The following GRIA1 variants were observed in gnomAD, a reference collection of about 807,000 sequenced individuals.
GRIA1 encodes glutamate receptor 1.
GRIA1 carries 31 observed loss-of-function variants against 99.2 expected under a neutral mutation model. That is an observed-to-expected ratio of 0.31 (90% CI 0.23 to 0.42). The LOEUF (loss-of-function observed/expected upper bound fraction) is 0.42. Among genes scored for constraint, GRIA1 ranks in the 10% least tolerant of loss-of-function variants. The probability of loss-of-function intolerance (pLI) is 1.00; values close to 1 mark genes in which losing one functional copy is unlikely to be tolerated. For missense variants in GRIA1, 782 were observed against 1,157.5 expected, an observed-to-expected ratio of 0.68 and a Z score of 4.71; for synonymous variants, 438 against 432.4, an observed-to-expected ratio of 1.01 and a Z score of -0.16.
chr5:153,524,752 G>T (rs1757452512), intron 2 of GRIA1, among the ~76,000 whole-genome samples: 1 of 152,106 alleles, frequency 6.6e-6, no homozygotes, highest in African/African-American at 2.4e-5. Context: ...TTAGCTCAGG[G>T]ATTTGTACCT....
At chr5:153,658,192 T>TAAGAATACACAGAACAATACATAGAAC (rs1473752865) in intron 5 of GRIA1, among the ~76,000 whole-genome samples, 28 of 152,212 alleles carry the variant, frequency 1.8e-4, no homozygotes, top group Middle Eastern at 3.4e-3. Flanking sequence ...CCCTGCTGCT[T>TAAGAATACACAGAACAATACATAGAAC]AAGAATACAC....
rs111575401 is a variant in GRIA1, at chr5:153,764,771, G to A, written c.2022+139G>A. ...CTGACTGTAAGTCAGGGAAACTCAG[G>A]ACATTTCTAAGCTTTCTACCACCCC... On this transcript the variant is annotated intron_variant, in intron 12 of 15. Transcript: ENST00000285900. 1,287 of 636,686 alleles carry A rather than the reference G, an allele frequency of 2.0e-3. 14 individuals carry two copies. The African/African-American group carries it at 0.021, about 11-fold the overall frequency. The allele number at this position is 636,686 out of a possible 1,614,324, so 39.4% of individuals were successfully genotyped here.
rs150111514 is a variant in GRIA1, at chr5:153,643,677, T to TA, written c.221-3248dup. ...CTCTGGGAGCCAGGGTTCACTCAAG[T>TA]AAATCCAGGCCAGGCTACCTCCAAG... is the stretch of plus-strand genomic sequence containing the variant. On this transcript the variant is annotated intron_variant, in intron 2 of 15. Coordinates refer to ENST00000285900, the MANE Select transcript of GRIA1 (RefSeq NM_000827.4). 8.5e-3 allele frequency among the ~76,000 whole-genome samples: 1,287 copies of TA among 152,292 alleles called. 21 individuals are homozygous for TA. Among genetic ancestry groups the TA allele is most frequent in the African/African-American group, 0.029 (1,191 of 41,562 alleles).
intron 11 of GRIA1, among the ~76,000 whole-genome samples, chr5:153,747,718 C>T (rs1178180486): frequency 6.6e-6 from 1 of 152,202 alleles, no homozygotes; most frequent in Non-Finnish European, 1.5e-5. Flanking sequence ...GCCAGCCTGC[C>T]CTGCAGAGCC....
intron 2 of GRIA1, among the ~76,000 whole-genome samples, chr5:153,628,742 T>G (rs919611018): frequency 2.6e-5 from 4 of 152,038 alleles, no homozygotes; most frequent in East Asian, 1.9e-4. Context: ...TGTTTGTGGG[T>G]TTTTTTTCTA....
chr5:153,729,360 T>G (rs1393028987), intron 11 of GRIA1, among the ~76,000 whole-genome samples: 1 of 151,950 alleles, frequency 6.6e-6, no homozygotes, highest in African/African-American at 2.4e-5. Context: ...ATTGTGCACA[T>G]GTACCCTAAA....
chr5:153,710,595 C>A (rs1357316298), intron 11 of GRIA1, among the ~76,000 whole-genome samples: 2 of 152,288 alleles, frequency 1.3e-5, no homozygotes, highest in African/African-American at 2.4e-5. Context: ...TCATCACAGA[C>A]AAAACTTATC....
At chr5:153,557,356 C>T (rs542026079) in intron 2 of GRIA1, among the ~76,000 whole-genome samples, 1 of 152,302 alleles carries the variant, frequency 6.6e-6, no homozygotes, top group South Asian at 2.1e-4. Flanking sequence ...CCTCCACCTC[C>T]CAGGTTCAAG....
At chr5:153,543,343 A>T (rs899307137) in intron 2 of GRIA1, among the ~76,000 whole-genome samples, 1 of 152,222 alleles carries the variant, frequency 6.6e-6, no homozygotes, top group African/African-American at 2.4e-5. Flanking sequence ...AGAGTTTACT[A>T]TTGTATATAC....
intron 2 of GRIA1, among the ~76,000 whole-genome samples, chr5:153,505,478 G>T (rs1198842638): frequency 6.6e-6 from 1 of 152,226 alleles, no homozygotes; most frequent in Non-Finnish European, 1.5e-5. Flanking sequence ...CAGAGAGCCT[G>T]CTCGTCTCAT....
At chr5:153,592,902 G>C (rs12520178) in intron 2 of GRIA1, among the ~76,000 whole-genome samples, 19,457 of 152,184 alleles carry the variant, frequency 0.13, 1,259 homozygotes, top group Middle Eastern at 0.15. Flanking sequence ...AGAGGAGAGA[G>C]AGAGAGAAAT....
At chr5:153,514,264 C>T (rs1756391875) in intron 2 of GRIA1, among the ~76,000 whole-genome samples, 2 of 152,188 alleles carry the variant, frequency 1.3e-5, no homozygotes, top group African/African-American at 4.8e-5. Flanking sequence ...AATCATTATC[C>T]AGACCAATGT....
chr5:153,615,579 G>A (rs1238299389), intron 2 of GRIA1, among the ~76,000 whole-genome samples: 1 of 152,196 alleles, frequency 6.6e-6, no homozygotes, highest in African/African-American at 2.4e-5. Flanking sequence ...AGGCGGTCGA[G>A]GCTGCAGTGA....
chr5:153,764,360 C>A (rs908637796), intron 11 of GRIA1, 74 bp from the exon 12 acceptor site: 5 of 1,137,416 alleles, frequency 4.4e-6, no homozygotes, highest in Non-Finnish European at 6.7e-6. Context: ...GCCCCGGACC[C>A]GTGCTCAGTC....
chr5:153,490,686 A>C lies in GRIA1; in HGVS notation c.-203A>C. 3.1e-6 allele frequency: 2 copies of C among 639,204 alleles called. No individual in the cohort carries two copies. Among genetic ancestry groups the C allele is most frequent in the Non-Finnish European group, 5.6e-6 (2 of 354,080 alleles). The allele number at this position is 639,204 out of a possible 1,614,324, so 39.6% of individuals were successfully genotyped here. ...CCCGTGCTCAGTTAATCTGGCTGTC[A>C]GTTGGTGTTAACGCTGCAGTTTAAG... is the stretch of plus-strand genomic sequence containing the variant. On this transcript the variant is annotated 5_prime_UTR_variant, in exon 1 of 16. Coordinates refer to ENST00000285900, the MANE Select transcript of GRIA1 (RefSeq NM_000827.4).
intron 11 of GRIA1, among the ~76,000 whole-genome samples, chr5:153,760,750 C>A (rs933273564): frequency 6.6e-6 from 1 of 152,050 alleles, no homozygotes; most frequent in African/African-American, 2.4e-5. Context: ...AAGCTAGAAG[C>A]ACCACACTAC....
intron 5 of GRIA1, among the ~76,000 whole-genome samples, chr5:153,662,130 T>G (rs1384200087): frequency 2.6e-5 from 4 of 152,212 alleles, no homozygotes; most frequent in Non-Finnish European, 5.9e-5. Context: ...CCTTTGAGTA[T>G]TTGAAAATGG....
At chr5:153,492,605 A>G (rs1246161489) in intron 1 of GRIA1, among the ~76,000 whole-genome samples, 6 of 152,116 alleles carry the variant, frequency 3.9e-5, no homozygotes, top group African/African-American at 1.2e-4. Context: ...GTGCTTATAT[A>G]CTACCTATCC....
chr5:153,585,048 C>T (rs1649380415), intron 2 of GRIA1, among the ~76,000 whole-genome samples: 1 of 152,108 alleles, frequency 6.6e-6, no homozygotes, highest in African/African-American at 2.4e-5. Context: ...GCACGAGCTG[C>T]CAGGAACAAT....
Sources: allele counts gnomAD v4.1 joint callset (sites outside exome capture counted in the v4.1 genomes callset), GRCh38; gene constraint gnomAD v4.1.1; transcripts MANE v1.5; gene names NCBI Gene and HGNC (gene_info 2026-07-23, HGNC 2026-07-21).